DCTN6: variants seen among roughly 807,000 people sequenced by gnomAD.
The protein encoded by DCTN6 is dynactin 6.
Under a neutral mutation model 25.8 loss-of-function variants are expected in DCTN6, and 15 were observed. The ratio of observed to expected loss-of-function variants is 0.58; its 90% CI spans 0.39 to 0.89. The LOEUF (loss-of-function observed/expected upper bound fraction) is 0.89. Ranked by LOEUF, DCTN6 falls within the 40% of genes least tolerant of loss-of-function variation. The pLI is 0.00. For synonymous variants in DCTN6, 64 were observed against 78.3 expected (o/e 0.82, Z 0.96); for missense variants, 198 against 237.6 (o/e 0.83, Z 1.09).
intron 1 of DCTN6, among the ~76,000 whole-genome samples, chr8:30,159,649 C>G (rs886144914): frequency 6.6e-6 from 1 of 152,084 alleles, no homozygotes; most frequent in Non-Finnish European, 1.5e-5. Flanking sequence ...ACTTTTTTCT[C>G]TAAAATCTAC....
At chr8:30,163,481 A>G (rs952240252) in intron 1 of DCTN6, among the ~76,000 whole-genome samples, 34 of 152,146 alleles carry the variant, frequency 2.2e-4, no homozygotes, top group African/African-American at 8.2e-4. Context: ...ATAGTCCATA[A>G]TGTGCCATAA....
chr8:30,179,908 T>C (rs1803890248), intron 5 of DCTN6, among the ~76,000 whole-genome samples: 1 of 152,210 alleles, frequency 6.6e-6, no homozygotes, highest in Non-Finnish European at 1.5e-5. Flanking sequence ...TCACTGTCAC[T>C]ACTGGGAAGC....
chr8:30,157,927 G>C (rs1212657006), intron 1 of DCTN6, among the ~76,000 whole-genome samples: 2 of 148,152 alleles, frequency 1.3e-5, no homozygotes, highest in Non-Finnish European at 3.0e-5. Flanking sequence ...GCAGTAGATA[G>C]CAGTAGATAG....
chr8:30,169,631 A>G (rs1803735020), intron 2 of DCTN6, among the ~76,000 whole-genome samples: 1 of 152,174 alleles, frequency 6.6e-6, no homozygotes, highest in Admixed American at 6.5e-5. Context: ...ACAGATTTTT[A>G]TTTTTAAAGC....
intron 2 of DCTN6, among the ~76,000 whole-genome samples, chr8:30,167,185 A>T (rs1437911464): frequency 1.3e-5 from 2 of 152,092 alleles, no homozygotes; most frequent in Non-Finnish European, 2.9e-5. Flanking sequence ...GGGAAAAATT[A>T]GCTGCATGTG....
chr8:30,179,044 T>C (rs2099674731), intron 4 of DCTN6, among the ~76,000 whole-genome samples: 1 of 152,208 alleles, frequency 6.6e-6, no homozygotes, highest in South Asian at 2.1e-4. Flanking sequence ...TTCCCACTTA[T>C]ATACAGGAAA....
chr8:30,172,786 AC>A (rs1362393628), intron 2 of DCTN6, among the ~76,000 whole-genome samples: 1 of 152,214 alleles, frequency 6.6e-6, no homozygotes, highest in African/African-American at 2.4e-5. Context: ...AGTGGAGCTT[AC>A]ATCTGGAATA....
intron 1 of DCTN6, among the ~76,000 whole-genome samples, chr8:30,157,650 G>C (rs1023951596): frequency 4.6e-5 from 7 of 152,202 alleles, no homozygotes; most frequent in African/African-American, 1.4e-4. Flanking sequence ...AACATGTGGG[G>C]ACAGGAAGTT....
chr8:30,169,686 G>A (rs1803735842), intron 2 of DCTN6, among the ~76,000 whole-genome samples: 2 of 152,172 alleles, frequency 1.3e-5, no homozygotes, highest in Non-Finnish European at 2.9e-5. Context: ...ATTCAGACCT[G>A]ATCTAGGTGT....
chr8:30,160,012 T>C (rs1192910562), intron 1 of DCTN6, among the ~76,000 whole-genome samples: 1 of 152,024 alleles, frequency 6.6e-6, no homozygotes, highest in Non-Finnish European at 1.5e-5. Flanking sequence ...TGAAGCAGAG[T>C]CACAGCAGCT....
At chr8:30,173,782 T>TCTTGGACAGTGTCA (rs113031038) in intron 2 of DCTN6, among the ~76,000 whole-genome samples, 12,174 of 151,026 alleles carry the variant, frequency 0.081, 705 homozygotes, top group East Asian at 0.32. Context: ...ATACTGAATT[T>TCTTGGACAGTGTCA]CTTTCCTAAT....
chr8:30,160,862 A>T (rs1484138334), intron 1 of DCTN6, among the ~76,000 whole-genome samples: 1 of 152,224 alleles, frequency 6.6e-6, no homozygotes, highest in Non-Finnish European at 1.5e-5. Flanking sequence ...TTTGTGGTCC[A>T]TGGGGCCTGT....
chr8:30,175,885 G>T (rs1803826285), intron 3 of DCTN6, among the ~76,000 whole-genome samples: 1 of 152,116 alleles, frequency 6.6e-6, no homozygotes, highest in Non-Finnish European at 1.5e-5. Context: ...GTCAGAAAAA[G>T]ACTGATTTAA....
chr8:30,182,585 T>C (rs4549726), intron 6 of DCTN6, among the ~76,000 whole-genome samples: 1 of 151,386 alleles, frequency 6.6e-6, no homozygotes, highest in Non-Finnish European at 1.5e-5. Context: ...CCAAACTTAG[T>C]ATATGTTCCT....
intron 2 of DCTN6, among the ~76,000 whole-genome samples, chr8:30,167,860 G>C (rs1803704836): frequency 6.6e-6 from 1 of 151,932 alleles, no homozygotes; most frequent in African/African-American, 2.4e-5. Flanking sequence ...CACCACACTT[G>C]GCTAATTTTT....
intron 1 of DCTN6, among the ~76,000 whole-genome samples, chr8:30,158,701 CTTTTT>C (rs5890500): frequency 4.5e-4 from 45 of 99,008 alleles, no homozygotes; most frequent in Non-Finnish European, 7.7e-4. Context: ...AGTAGATTGA[CTTTTT>C]TTTTTTTTTT....
chr8:30,177,955 T>A (rs1803863737), intron 4 of DCTN6, among the ~76,000 whole-genome samples: 1 of 152,186 alleles, frequency 6.6e-6, no homozygotes, highest in South Asian at 2.1e-4. Flanking sequence ...AATGGCTGAG[T>A]GACAGTAAAC....
chr8:30,163,785 C>T (rs901098806), intron 1 of DCTN6, among the ~76,000 whole-genome samples: 1 of 150,616 alleles, frequency 6.6e-6, no homozygotes, highest in Non-Finnish European at 1.5e-5. Context: ...TCACTGCAAA[C>T]TCTGTCTCCC....
rs766273768 is a variant in DCTN6 at position 30,175,191 on chromosome 8, G to GTC, written c.194+2_194+3insCT. The stretch of plus-strand genomic sequence containing the variant: ...AAGAACAGGCCCTTATCATAAATGC[G>GTC]TAAGACTCTTATACATACTGTGAAC... On this transcript the variant is annotated splice_donor_variant, in intron 3 of 6. Transcript: ENST00000221114. LOFTEE classifies it high-confidence loss of function. The GTC allele has an allele frequency of 4.0e-4, 648 of 1,611,900 alleles. No homozygotes were observed. Among genetic ancestry groups the GTC allele is most frequent in the Non-Finnish European group, 5.2e-4 (609 of 1,178,400 alleles).
Sources: gnomAD v4.1 joint callset for allele counts (sites outside exome capture counted in the v4.1 genomes callset) on GRCh38, gnomAD v4.1.1 for gene constraint, MANE v1.5 for transcripts, NCBI Gene and HGNC (gene_info 2026-07-23, HGNC 2026-07-21) for gene names.